The following ANO6 variants were observed in gnomAD, a reference collection of about 807,000 sequenced individuals.
ANO6 encodes anoctamin 6, also known as anoctamin-6.
A neutral mutation model predicts 117.5 loss-of-function variants in ANO6; 106 were observed. The ratio of observed to expected loss-of-function variants is 0.90; its 90% CI spans 0.77 to 1.06. The LOEUF is 1.06. Among genes scored for constraint, ANO6 ranks in the 50% least tolerant of loss-of-function variants. ANO6 has a pLI of 0.00. For missense variants in ANO6, 955 were observed against 1,121.1 expected, an observed-to-expected ratio of 0.85 and a Z score of 2.12; for synonymous variants, 367 against 385.1, an observed-to-expected ratio of 0.95 and a Z score of 0.55.
At chr12:45,359,913 A>G (rs1472900186) in intron 8 of ANO6, among the ~76,000 whole-genome samples, 2 of 152,238 alleles carry the variant, frequency 1.3e-5, no homozygotes, top group Non-Finnish European at 1.5e-5. Flanking sequence ...TATGAGGACA[A>G]TAATATCTTC....
chr12:45,244,403 T>TGGGGG (rs59579814), intron 1 of ANO6, among the ~76,000 whole-genome samples: 1 of 72,376 alleles, frequency 1.4e-5, no homozygotes, highest in African/African-American at 4.3e-5. Context: ...CTTCTCTATT[T>TGGGGG]GGGGGGGGGG....
intron 12 of ANO6, among the ~76,000 whole-genome samples, chr12:45,397,485 G>A (rs1478063636): frequency 3.3e-5 from 5 of 152,148 alleles, no homozygotes; most frequent in Admixed American, 1.3e-4. Context: ...CCATTACTGG[G>A]TATATATCCA....
chr12:45,416,586 TG>T, intron 16 of ANO6, 112 bp from the exon 17 acceptor site: 1 of 883,382 alleles, frequency 1.1e-6, no homozygotes, highest in Non-Finnish European at 1.9e-6. Context: ...TTACCACAGA[TG>T]TGTTTTCTCT....
intron 1 of ANO6, among the ~76,000 whole-genome samples, chr12:45,299,478 T>G (rs1041538606): frequency 6.6e-6 from 1 of 152,238 alleles, no homozygotes; most frequent in Non-Finnish European, 1.5e-5. Flanking sequence ...GATTGTACTG[T>G]CATTTCTACT....
intron 16 of ANO6, among the ~76,000 whole-genome samples, chr12:45,414,454 A>G (rs895497583): frequency 1.3e-5 from 2 of 152,014 alleles, no homozygotes; most frequent in South Asian, 2.1e-4. Context: ...CCCCATACCA[A>G]TTTTTCCCAT....
downstream of ANO6, among the ~76,000 whole-genome samples, chr12:45,434,191 C>G (rs1565781681): frequency 6.6e-6 from 1 of 152,212 alleles, no homozygotes; most frequent in Admixed American, 6.5e-5. Flanking sequence ...AGCAAGTAGA[C>G]TGTGATTCCT....
intron 7 of ANO6, among the ~76,000 whole-genome samples, 165 bp from the exon 8 acceptor site, chr12:45,357,125 C>T (rs550760267): frequency 5.3e-5 from 8 of 152,292 alleles, no homozygotes; most frequent in African/African-American, 1.9e-4. Context: ...CTTTTTGTTT[C>T]ATCGTAGAAT....
intron 11 of ANO6, 102 bp from the exon 12 acceptor site, chr12:45,390,319 A>G: frequency 9.7e-7 from 1 of 1,028,738 alleles, no homozygotes; most frequent in Non-Finnish European, 1.5e-6. Context: ...TTGCAAACTA[A>G]TTTTTTAAAA....
At chr12:45,416,465 C>T (rs543391039) in intron 16 of ANO6, among the ~76,000 whole-genome samples, 5 of 152,174 alleles carry the variant, frequency 3.3e-5, no homozygotes, top group Non-Finnish European at 7.3e-5. Context: ...ATATATTGTT[C>T]CTATTAAGTG....
chr12:45,335,371 C>T (rs977210772), intron 3 of ANO6, among the ~76,000 whole-genome samples: 2 of 151,942 alleles, frequency 1.3e-5, no homozygotes, highest in African/African-American at 4.8e-5. Context: ...ATCATGAGAC[C>T]AGAACAGTTT....
chr12:45,299,717 AG>A (rs1939417031), intron 1 of ANO6, among the ~76,000 whole-genome samples: 2 of 151,972 alleles, frequency 1.3e-5, no homozygotes, highest in Admixed American at 1.3e-4. Context: ...AGCCAGGTGT[AG>A]TGGCACGCCT....
rs917908335 is a variant in ANO6, at chr12:45,357,566, G to A, written c.998+142G>A. The A allele has an allele frequency of 8.8e-6, 10 of 1,133,814 alleles. No individual in the cohort carries two copies. The South Asian group carries it at 1.5e-4, about 17-fold the overall frequency. 70.2% of individuals were successfully genotyped at this position (1,133,814 alleles called of 1,614,324 possible). A position where few individuals can be genotyped will look rare whatever the true frequency, so the allele number is the denominator to read the frequency against. On this transcript the variant is annotated intron_variant, in intron 8 of 19. Coordinates refer to ENST00000320560, the MANE Select transcript of ANO6 (RefSeq NM_001025356.3). ...GGATGATATATCCCTTTTGTTCTGA[G>A]CACAATAACTGAGTGAAATGGAAAA... is the stretch of plus-strand genomic sequence containing the variant.
At chr12:45,254,173 A>T (rs1236250814) in intron 1 of ANO6, among the ~76,000 whole-genome samples, 1 of 152,220 alleles carries the variant, frequency 6.6e-6, no homozygotes, top group Non-Finnish European at 1.5e-5. Context: ...CTCAAAAAAA[A>T]AGTTCGCCAT....
downstream of ANO6, among the ~76,000 whole-genome samples, chr12:45,434,969 T>G (rs1943691327): frequency 1.3e-5 from 2 of 152,226 alleles, no homozygotes; most frequent in Admixed American, 6.5e-5. Flanking sequence ...ATCATTGCAT[T>G]GCCTTCCTTG....
rs1324938140 is a variant in ANO6 at position 45,348,504 on chromosome 12, T to C, written c.634-14T>C. ...ACTATATAAACCGCATACTCTATTT[T>C]GGAATCTTTTTAGGTTTACTTCATC... On this transcript the variant is annotated splice_polypyrimidine_tract_variant and intron_variant, in intron 5 of 19. Transcript: ENST00000320560. The C allele has an allele frequency of 6.2e-7, 1 of 1,604,904 alleles. No homozygotes were observed. The highest frequency in any genetic ancestry group is 8.5e-7 in the Non-Finnish European group (1 of 1,171,726).
chr12:45,403,629 A>G (rs1472174483), intron 15 of ANO6, 93 bp downstream of exon 15: 1 of 1,014,880 alleles, frequency 9.9e-7, no homozygotes, highest in African/African-American at 1.6e-5. Flanking sequence ...ACATAGCCAC[A>G]TAGCTGCATG....
intron 1 of ANO6, among the ~76,000 whole-genome samples, chr12:45,283,051 A>T (rs190351394): frequency 6.6e-6 from 1 of 152,288 alleles, no homozygotes; most frequent in Non-Finnish European, 1.5e-5. Flanking sequence ...ATTGTGCTGT[A>T]GTGTTGTCTG....
At chr12:45,287,413 C>G (rs958631526) in intron 1 of ANO6, among the ~76,000 whole-genome samples, 1 of 152,152 alleles carries the variant, frequency 6.6e-6, no homozygotes, top group Admixed American at 6.5e-5. Context: ...AACTGTTGTA[C>G]TTTTCTTACC....
At chr12:45,284,261 ACT>A (rs1181186806) in intron 1 of ANO6, among the ~76,000 whole-genome samples, 3 of 152,116 alleles carry the variant, frequency 2.0e-5, no homozygotes, top group Non-Finnish European at 2.9e-5. Flanking sequence ...TCTGGGTAAG[ACT>A]CTCTGGAATG....
Sources: allele counts gnomAD v4.1 joint callset (sites outside exome capture counted in the v4.1 genomes callset), GRCh38; gene constraint gnomAD v4.1.1; transcripts MANE v1.5; gene names NCBI Gene and HGNC (gene_info 2026-07-23, HGNC 2026-07-21).